CWC25: variants seen among roughly 807,000 people sequenced by gnomAD.
CWC25 encodes CWC25 spliceosome associated protein.
CWC25 carries 31 observed loss-of-function variants against 54.6 expected under a neutral mutation model. The observed-to-expected ratio is 0.57, with a 90% CI of 0.43 to 0.77. CWC25 has a LOEUF of 0.77. CWC25 is among the 30% of genes least tolerant of loss of function. The pLI is 0.00. For synonymous variants in CWC25, 151 were observed against 187.0 expected, an observed-to-expected ratio of 0.81 and a Z score of 1.57; for missense variants, 453 against 529.3, an observed-to-expected ratio of 0.86 and a Z score of 1.41.
rs1381929518 is a variant in CWC25, at chr17:38,800,985, C to G, written c.*1107G>C. 6.6e-6 allele frequency: 1 copy of G among 152,124 alleles called. No homozygotes were observed. The highest frequency in any genetic ancestry group is 1.5e-5 in the Non-Finnish European group (1 of 68,042). 9.4% of individuals were successfully genotyped at this position (152,124 alleles called of 1,614,324 possible). Reference sequence around the variant, plus strand: ...TTTTTTTAGTAGAGACGGGGTTTCACCGTGTTCGCCAGGATGGTCTCGATC... The same window carrying G: ...TTTTTTTAGTAGAGACGGGGTTTCAGCGTGTTCGCCAGGATGGTCTCGATC... On this transcript the variant is annotated 3_prime_UTR_variant, in exon 10 of 10. Transcript: ENST00000614790.
At chr17:38,816,808 C>A (rs1911716188) in intron 2 of CWC25, among the ~76,000 whole-genome samples, 1 of 151,876 alleles carries the variant, frequency 6.6e-6, no homozygotes, top group South Asian at 2.1e-4. Context: ...CCTCAGCCTC[C>A]CGAATAGCTG....
intron 6 of CWC25, among the ~76,000 whole-genome samples, chr17:38,809,440 A>AC (rs1321018045): frequency 6.6e-6 from 1 of 151,914 alleles, no homozygotes; most frequent in Non-Finnish European, 1.5e-5. Flanking sequence ...AAAAAAAAAA[A>AC]ACAAAAAAAC....
In CWC25 at chr17:38,802,539, A is replaced by G. The variant is rs4794791; in HGVS notation, c.1163+161T>C. ...TCACTTCTCCTCCCCTCAAATGAAAAACATCCCACTGTGTGGTCAGAAAGG... is the reference window on the plus strand; with the variant it reads ...TCACTTCTCCTCCCCTCAAATGAAAGACATCCCACTGTGTGGTCAGAAAGG... On this transcript the variant is annotated intron_variant, in intron 9 of 9. Transcript: ENST00000614790. Among the ~76,000 whole-genome samples the G allele has an allele frequency of 1.4e-3, 219 of 152,128 alleles. 1 individual carries two copies. Among genetic ancestry groups the G allele is most frequent in the Admixed American group, 2.9e-3 (44 of 15,286 alleles).
chr17:38,825,237 A>G lies in CWC25; in HGVS notation c.-54T>C. The G allele has an allele frequency of 6.4e-7, 1 of 1,558,402 alleles. No homozygotes were observed. The highest frequency in any genetic ancestry group is 8.7e-7 in the Non-Finnish European group (1 of 1,151,736). On this transcript the variant is annotated 5_prime_UTR_variant, in exon 1 of 10. Transcript: ENST00000614790. ...GATCTGGAAGATTTCGGGAGGATCA[A>G]GAGAAAACGTAGAGAAATAGTTCGG...
At chr17:38,804,000 G>A (rs996437031) in intron 8 of CWC25, among the ~76,000 whole-genome samples, 1 of 152,048 alleles carries the variant, frequency 6.6e-6, no homozygotes, top group Non-Finnish European at 1.5e-5. Flanking sequence ...AGCCATGATC[G>A]CCCCACTGCA....
At chr17:38,803,895 T>A (rs988726901) in intron 8 of CWC25, among the ~76,000 whole-genome samples, 6 of 151,888 alleles carry the variant, frequency 4.0e-5, no homozygotes, top group Admixed American at 3.9e-4. Context: ...AATTTTTTTT[T>A]AATTAGTTGG....
rs1911055300 is a variant in CWC25 at position 38,802,168 on chromosome 17, T to A, written c.1202A>T (p.Glu401Val). ...GTAGATATTCCGCTTCACCCGATCC[T>A]CCAGGGAGGAAGTAGATGCACTCTC... Reference protein sequence around the residue: ...KLESASTSSLEDRVKRNIYSL... With the variant: ...KLESASTSSLVDRVKRNIYSL... Residue 401 changes from glutamate to valine, a missense_variant, in exon 10 of 10, where the codon GAG becomes GTG. Glu to Val is a moderately radical substitution (Grantham distance 121). Transcript: ENST00000614790. The A allele has an allele frequency of 6.2e-7, 1 of 1,613,898 alleles. No individual in the cohort carries two copies. Among genetic ancestry groups the A allele is most frequent in the Non-Finnish European group, 8.5e-7 (1 of 1,179,802 alleles).
At chr17:38,817,570 C>T (rs1189674974) in intron 2 of CWC25, among the ~76,000 whole-genome samples, 1 of 152,026 alleles carries the variant, frequency 6.6e-6, no homozygotes, top group East Asian at 1.9e-4. Context: ...GGGCGGATCA[C>T]AAGGTCAAGA....
intron 3 of CWC25, among the ~76,000 whole-genome samples, chr17:38,814,527 T>A (rs2143580091): frequency 6.6e-6 from 1 of 150,558 alleles, no homozygotes; most frequent in African/African-American, 2.4e-5. Flanking sequence ...GATCACAAGG[T>A]GGTCAGGAGA....
At chr17:38,805,552 G>A (rs916038830) in intron 8 of CWC25, among the ~76,000 whole-genome samples, 2 of 152,114 alleles carry the variant, frequency 1.3e-5, no homozygotes, top group Admixed American at 6.6e-5. Context: ...GGCCTCAAGC[G>A]ATCCTCCTGC....
intron 2 of CWC25, among the ~76,000 whole-genome samples, chr17:38,817,302 T>C (rs1053392651): frequency 6.7e-6 from 1 of 149,790 alleles, no homozygotes; most frequent in Non-Finnish European, 1.5e-5. Flanking sequence ...ATCATGCCAT[T>C]GTACTCCAAC....
chr17:38,810,534 T>C lies in CWC25; in HGVS notation c.560A>G (p.Lys187Arg). 6.2e-7 allele frequency: 1 copy of C among 1,601,610 alleles called. No homozygotes were observed. Among genetic ancestry groups the C allele is most frequent in the South Asian group, 1.1e-5 (1 of 88,636 alleles). Residue 187 changes from lysine (K) to arginine (R), a missense_variant, in exon 5 of 10, where the codon AAG becomes AGG. Physicochemically the swap from Lys to Arg is conservative, Grantham distance 26. Coordinates refer to ENST00000614790, the MANE Select transcript of CWC25 (RefSeq NM_017748.5). ...KKKKEKKKKH[K>R]KHKHRSSSSD... ...ACTCGAGCTTCTGTGCTTATGTTTCTTGTGCTTCTTTTTCTTCTCCTTCTT... is the reference window on the plus strand; with the variant it reads ...ACTCGAGCTTCTGTGCTTATGTTTCCTGTGCTTCTTTTTCTTCTCCTTCTT...
chr17:38,807,007 A>G (rs3785450), intron 6 of CWC25, 31 bp from the exon 7 acceptor site: 31,663 of 1,571,566 alleles, frequency 0.02, 692 homozygotes, highest in African/African-American at 0.11. Context: ...GAAGTTATTC[A>G]CATGGAAAAT....
chr17:38,814,854 T>A lies in CWC25; in HGVS notation c.428+7A>T. ...AACAAACCCCCTTCCTAGCCCCCCA[T>A]TAGTACCTGATGATGAAGAGTGGGT... On this transcript the variant is annotated splice_region_variant and intron_variant, in intron 3 of 9. Coordinates refer to ENST00000614790, the MANE Select transcript of CWC25 (RefSeq NM_017748.5). The A allele has an allele frequency of 1.3e-6, 2 of 1,554,488 alleles. No individual in the cohort carries two copies. The highest frequency in any genetic ancestry group is 1.8e-6 in the Non-Finnish European group (2 of 1,140,816).
chr17:38,810,657 T>C (rs1376872031), intron 4 of CWC25, 62 bp from the exon 5 acceptor site: 2 of 836,406 alleles, frequency 2.4e-6, no homozygotes, highest in African/African-American at 3.4e-5. Flanking sequence ...CAGTGGCTCA[T>C]GCCTGTAATC....
At chr17:38,811,674 A>G (rs1274007455) in intron 4 of CWC25, among the ~76,000 whole-genome samples, 1 of 152,038 alleles carries the variant, frequency 6.6e-6, no homozygotes, top group African/African-American at 2.4e-5. Context: ...GTTCCCTGTC[A>G]ACACACCAGG....
At chr17:38,812,465 T>C (rs1368682360) in intron 4 of CWC25, among the ~76,000 whole-genome samples, 1 of 152,082 alleles carries the variant, frequency 6.6e-6, no homozygotes. Context: ...CCGTCTCTAC[T>C]AAAAATACAA....
intron 6 of CWC25, among the ~76,000 whole-genome samples, chr17:38,807,755 CAAAA>C (rs1408782738): frequency 3.6e-5 from 3 of 82,516 alleles, no homozygotes; most frequent in Non-Finnish European, 5.2e-5. Context: ...GACCCTGTCT[CAAAA>C]AAAAAAAAAA....
chr17:38,823,741 C>T (rs1312513934), intron 1 of CWC25, among the ~76,000 whole-genome samples: 1 of 152,142 alleles, frequency 6.6e-6, no homozygotes, highest in Non-Finnish European at 1.5e-5. Flanking sequence ...CCCTCTAACC[C>T]TTCCCATCTT....
Sources: allele counts gnomAD v4.1 joint callset (sites outside exome capture counted in the v4.1 genomes callset), GRCh38; gene constraint gnomAD v4.1.1; transcripts MANE v1.5; gene names NCBI Gene and HGNC (gene_info 2026-07-23, HGNC 2026-07-21).